MITD1: variants seen among roughly 807,000 people sequenced by gnomAD.
MITD1 encodes microtubule interacting and trafficking domain containing 1, also known as MIT domain-containing protein 1.
In MITD1, 24 loss-of-function variants were observed where a neutral mutation model predicts 34.9. The observed-to-expected ratio is 0.69, with a 90% CI of 0.50 to 0.97. The LOEUF (loss-of-function observed/expected upper bound fraction) is 0.97, where lower values mean the gene tolerates loss of function less well. MITD1 is among the 50% of genes least tolerant of loss of function. MITD1 has a pLI of 0.00. For synonymous variants in MITD1, 102 were observed against 101.4 expected (o/e 1.01, Z -0.04); for missense variants, 266 against 294.6 (o/e 0.90, Z 0.71).
chr2:99,162,379 A>G, intron 7 of MITD1: 1 of 1,614,078 alleles, frequency 6.2e-7, no homozygotes, highest in South Asian at 1.1e-5. Context: ...AATGCTGTCC[A>G]ACCCCAGCTG....
chr2:99,165,061 C>CACACACATATATAT (rs370053233), downstream of MITD1, among the ~76,000 whole-genome samples: 1 of 135,282 alleles, frequency 7.4e-6, no homozygotes, highest in East Asian at 2.2e-4. Context: ...CACACACACA[C>CACACACATATATAT]ATATATATAT....
intron 1 of MITD1, among the ~76,000 whole-genome samples, chr2:99,176,138 G>A (rs1165490388): frequency 6.6e-6 from 1 of 152,082 alleles, no homozygotes; most frequent in African/African-American, 2.4e-5. Flanking sequence ...TTTCTGTAGA[G>A]ATGGGGTATC....
chr2:99,162,173 T>G, exon 8 of MITD1: 1 of 1,614,064 alleles, frequency 6.2e-7, no homozygotes, highest in Non-Finnish European at 8.5e-7. Context: ...CTCCCTCTGT[T>G]GTAATTGGTA....
intron 2 of MITD1, chr2:99,173,191 T>G (rs1348870337): frequency 1.5e-5 from 3 of 198,156 alleles, no homozygotes; most frequent in African/African-American, 6.7e-5. Flanking sequence ...CCCCAGGGTA[T>G]GTACTGATAC....
rs759499826 is a variant in MITD1, at chr2:99,169,616, G to A, written c.594-6C>T. ...TCATCCATCCATTGTTGAACCTGTT[G>A]AAATTAGTATATAGTATTATATTCA... On this transcript the variant is annotated splice_region_variant and splice_polypyrimidine_tract_variant and intron_variant, in intron 5 of 6. Coordinates refer to ENST00000289359, the MANE Select transcript of MITD1 (RefSeq NM_138798.3). 5 of 1,590,654 alleles carry A rather than the reference G, an allele frequency of 3.1e-6. No homozygotes were observed. In the South Asian group the frequency reaches 5.5e-5, roughly 18 times the overall value.
At position 99,173,944 on chromosome 2, in the gene MITD1, A is replaced by G. The variant is rs1165128815; in HGVS notation, c.224T>C (p.Ile75Thr). ...TTTTTCTTGGTCCAAGTACTTCTTTATGTTTTCCGCTCTGTCCATGTATTT... is the reference window on the plus strand; with the variant it reads ...TTTTTCTTGGTCCAAGTACTTCTTTGTGTTTTCCGCTCTGTCCATGTATTT... ...ISKYMDRAEN[I>T]KKYLDQEKED... The change falls in exon 2 of 7, where the codon ATA (isoleucine) becomes ACA (threonine). Residue 75 changes from isoleucine to threonine, a missense_variant. Coordinates refer to ENST00000289359, the MANE Select transcript of MITD1 (RefSeq NM_138798.3). 3.1e-6 allele frequency: 5 copies of G among 1,609,470 alleles called. No individual in the cohort carries two copies. Among genetic ancestry groups the G allele is most frequent in the Non-Finnish European group, 4.3e-6 (5 of 1,176,216 alleles).
At chr2:99,178,726 G>T (rs539307692) in intron 1 of MITD1, among the ~76,000 whole-genome samples, 1 of 152,238 alleles carries the variant, frequency 6.6e-6, no homozygotes, top group African/African-American at 2.4e-5. Context: ...ATTCCTGAAA[G>T]AGACAAGCCC....
At chr2:99,175,220 C>T (rs980766529) in intron 1 of MITD1, among the ~76,000 whole-genome samples, 1 of 152,118 alleles carries the variant, frequency 6.6e-6, no homozygotes, top group Non-Finnish European at 1.5e-5. Context: ...ATCTACAAAC[C>T]TTATTTGAAT....
chr2:99,162,600 CT>C, intron 7 of MITD1: 1 of 1,614,118 alleles, frequency 6.2e-7, no homozygotes, highest in Non-Finnish European at 8.5e-7. Flanking sequence ...AGTGAAAAAT[CT>C]TTTGGAAAAG....
rs781676245 is a variant in MITD1 at position 99,181,002 on chromosome 2, G to C, written c.-21C>G. Reference sequence around the variant, plus strand: ...GCCATAATTCTGGAAGTTCTCCTCCGCCTCAACCCAGGATGAAGTTGAGCG... The same window carrying C: ...GCCATAATTCTGGAAGTTCTCCTCCCCCTCAACCCAGGATGAAGTTGAGCG... On this transcript the variant is annotated 5_prime_UTR_variant, in exon 1 of 7. Coordinates refer to ENST00000289359, the MANE Select transcript of MITD1 (RefSeq NM_138798.3). 1 of 1,608,940 alleles carries C rather than the reference G, an allele frequency of 6.2e-7. No homozygotes were observed. The highest frequency in any genetic ancestry group is 1.1e-5 in the South Asian group (1 of 90,280).
chr2:99,178,628 G>A (rs2093899625), intron 1 of MITD1, among the ~76,000 whole-genome samples: 1 of 152,166 alleles, frequency 6.6e-6, no homozygotes, highest in East Asian at 1.9e-4. Context: ...GTCTGGGAAA[G>A]CCTCACAAAG....
At chr2:99,165,466 ATGTT>A (rs1339358527), downstream of MITD1, among the ~76,000 whole-genome samples, 1 of 152,090 alleles carries the variant, frequency 6.6e-6, no homozygotes, top group East Asian at 1.9e-4. Context: ...TATATTTGAA[ATGTT>A]TGTGTGCTTC....
At chr2:99,176,726 T>TTTA (rs2093889966) in intron 1 of MITD1, among the ~76,000 whole-genome samples, 8 of 152,124 alleles carry the variant, frequency 5.3e-5, no homozygotes, top group Non-Finnish European at 1.2e-4. Flanking sequence ...TCGTTAGTGT[T>TTTA]AGTGTATTTT....
Position 99,173,993 on chromosome 2 carries a change from A to G in MITD1, c.175T>C (p.Cys59Arg), listed in dbSNP as rs751831058. The change falls in exon 2 of 7, where the codon TGT becomes CGT. Residue 59 changes from cysteine to arginine, a missense_variant. Cys to Arg is a radical substitution (Grantham distance 180). Transcript: ENST00000289359. The part of the protein sequence containing the change: ...LKGTKDNTKR[C>R]NLREKISKYM... ...TTGGAAATTTTTTCTCTGAGATTACATCTCTTAGTATTATCTTTGGTACCT... is the reference window on the plus strand; with the variant it reads ...TTGGAAATTTTTTCTCTGAGATTACGTCTCTTAGTATTATCTTTGGTACCT... 39 of 1,559,656 alleles carry G rather than the reference A, an allele frequency of 2.5e-5. No individual in the cohort carries two copies. Among genetic ancestry groups the G allele is most frequent in the Non-Finnish European group, 3.4e-5 (38 of 1,134,328 alleles).
At chr2:99,176,593 C>T (rs1279078314) in intron 1 of MITD1, among the ~76,000 whole-genome samples, 2 of 152,118 alleles carry the variant, frequency 1.3e-5, no homozygotes, top group South Asian at 2.1e-4. Flanking sequence ...TCCCAAAGTG[C>T]TGGGATTACA....
chr2:99,162,466 G>C, intron 7 of MITD1: 3 of 1,613,984 alleles, frequency 1.9e-6, no homozygotes, highest in Non-Finnish European at 2.5e-6. Context: ...TCTAAGATCG[G>C]CCGGACTACT....
chr2:99,180,069 A>T (rs2093908333), intron 1 of MITD1, among the ~76,000 whole-genome samples: 1 of 152,162 alleles, frequency 6.6e-6, no homozygotes, highest in African/African-American at 2.4e-5. Flanking sequence ...ACTGTGAGCC[A>T]GGGTTGTGCT....
At chr2:99,164,537 C>A (rs1462958518), downstream of MITD1, among the ~76,000 whole-genome samples, 1 of 98,090 alleles carries the variant, frequency 1.0e-5, no homozygotes, top group African/African-American at 3.0e-5. Context: ...TTCCAGGCCC[C>A]ATCCTTTTTT....
At chr2:99,167,898 C>A (rs1231742786), downstream of MITD1, among the ~76,000 whole-genome samples, 1 of 152,194 alleles carries the variant, frequency 6.6e-6, no homozygotes, top group African/African-American at 2.4e-5. Context: ...CCCTTCCTGG[C>A]CTTTTATGCC....
Sources: allele counts gnomAD v4.1 joint callset (sites outside exome capture counted in the v4.1 genomes callset), GRCh38; gene constraint gnomAD v4.1.1; transcripts MANE v1.5; gene names NCBI Gene and HGNC (gene_info 2026-07-23, HGNC 2026-07-21).